The following GSG1L variants were observed in gnomAD, a reference collection of about 807,000 sequenced individuals.
The protein encoded by GSG1L is germ cell-specific gene 1-like protein.
GSG1L carries 24 observed loss-of-function variants against 42.1 expected under a neutral mutation model. That is an observed-to-expected ratio of 0.57 (90% CI 0.41 to 0.80). The LOEUF is 0.80. Among genes scored for constraint, GSG1L ranks in the 30% least tolerant of loss-of-function variants. The pLI, the probability that GSG1L is intolerant of heterozygous loss-of-function variation, is 0.00. For synonymous variants in GSG1L, 215 were observed against 203.5 expected, an observed-to-expected ratio of 1.06 and a Z score of -0.48; for missense variants, 445 against 472.2, an observed-to-expected ratio of 0.94 and a Z score of 0.53.
At chr16:27,897,112 C>A (rs2084201077) in intron 2 of GSG1L, among the ~76,000 whole-genome samples, 1 of 152,216 alleles carries the variant, frequency 6.6e-6, no homozygotes, top group South Asian at 2.1e-4. Context: ...GATCCCCCCA[C>A]CTCGGCCTCC....
chr16:27,849,675 A>G (rs538506649), intron 3 of GSG1L, among the ~76,000 whole-genome samples: 3 of 152,082 alleles, frequency 2.0e-5, no homozygotes, highest in Admixed American at 6.5e-5. Context: ...GGTGCATGCC[A>G]CCACACTTGG....
chr16:27,807,797 A>C (rs2082984439), intron 5 of GSG1L, among the ~76,000 whole-genome samples: 1 of 152,210 alleles, frequency 6.6e-6, no homozygotes, highest in Non-Finnish European at 1.5e-5. Context: ...AGTGTCATGC[A>C]ACTAATCAGT....
intron 2 of GSG1L, among the ~76,000 whole-genome samples, chr16:27,940,465 A>G (rs1405255417): frequency 6.9e-6 from 1 of 145,282 alleles, no homozygotes; most frequent in Non-Finnish European, 1.5e-5. Context: ...AATGTCCAAC[A>G]ATAATAGACT....
intron 3 of GSG1L, chr16:27,850,501 G>T (rs76906387): frequency 2.2e-6 from 1 of 455,562 alleles, no homozygotes; most frequent in African/African-American, 2.0e-5. Context: ...TGTAGGAAGA[G>T]GAGAGAGAAG....
intron 2 of GSG1L, among the ~76,000 whole-genome samples, chr16:27,932,857 G>C (rs1341974080): frequency 6.6e-6 from 1 of 151,978 alleles, no homozygotes; most frequent in Non-Finnish European, 1.5e-5. Flanking sequence ...ATATCCCCTG[G>C]TGCTGGCCCC....
intron 1 of GSG1L, among the ~76,000 whole-genome samples, chr16:27,979,907 G>A (rs759903498): frequency 1.2e-4 from 19 of 152,128 alleles, no homozygotes; most frequent in Non-Finnish European, 2.5e-4. Flanking sequence ...GGAAAAGAGA[G>A]AGAGAATTGA....
intron 2 of GSG1L, among the ~76,000 whole-genome samples, chr16:27,923,386 C>T (rs931035923): frequency 2.0e-5 from 3 of 152,220 alleles, no homozygotes; most frequent in Non-Finnish European, 4.4e-5. Flanking sequence ...GGGGCACCCA[C>T]ATGCTAAGAG....
chr16:27,888,130 C>A lies in GSG1L; in HGVS notation c.398-3492G>T, dbSNP rs1396666572. ...GGTGCTGGCAGGGACTGCCCCTCAT[C>A]ATGGCGCTGCTCACTGACTCAGCTG... On this transcript the variant is annotated intron_variant, in intron 2 of 6. Coordinates refer to ENST00000447459, the MANE Select transcript of GSG1L (RefSeq NM_001109763.2). The A allele has an allele frequency of 3.0e-6, 3 of 985,616 alleles. No homozygotes were observed. The East Asian group carries it at 3.4e-4, about 112-fold the overall frequency. 61.1% of individuals were successfully genotyped at this position (985,616 alleles called of 1,614,324 possible).
chr16:27,994,307 C>T (rs1416158466), intron 1 of GSG1L, among the ~76,000 whole-genome samples: 3 of 151,666 alleles, frequency 2.0e-5, no homozygotes, highest in African/African-American at 4.8e-5. Flanking sequence ...TGGGGGGGTT[C>T]AGAATGGTGG....
At chr16:27,995,258 G>A (rs577318959) in intron 1 of GSG1L, among the ~76,000 whole-genome samples, 13 of 152,302 alleles carry the variant, frequency 8.5e-5, no homozygotes, top group South Asian at 8.3e-4. Context: ...AGACACGAAC[G>A]CCCTTGGAGA....
At chr16:28,039,453 A>G (rs184118955) in intron 1 of GSG1L, among the ~76,000 whole-genome samples, 1 of 151,788 alleles carries the variant, frequency 6.6e-6, no homozygotes, top group African/African-American at 2.4e-5. Flanking sequence ...CCCCACCCCC[A>G]CAGCAAAGAA....
chr16:27,815,449 C>T lies in GSG1L; in HGVS notation c.831-7895G>A, dbSNP rs189244658. On this transcript the variant is annotated intron_variant, in intron 5 of 6. Coordinates refer to ENST00000447459, the MANE Select transcript of GSG1L (RefSeq NM_001109763.2). ...TTGTAGAGCCTGCAGAAACACAAGC[C>T]ACATAAACCTCTCTTCCTTATAAAT... Among the ~76,000 whole-genome samples the T allele has an allele frequency of 4.6e-5, 7 of 152,284 alleles. 1 individual carries two copies. Among genetic ancestry groups the T allele is most frequent in the African/African-American group, 1.4e-4 (6 of 41,546 alleles).
intron 5 of GSG1L, among the ~76,000 whole-genome samples, chr16:27,823,674 A>G (rs1262951631): frequency 6.6e-6 from 1 of 151,758 alleles, no homozygotes; most frequent in Non-Finnish European, 1.5e-5. Flanking sequence ...AAACCCACTC[A>G]CGGTCTGTCT....
intron 2 of GSG1L, among the ~76,000 whole-genome samples, chr16:27,950,136 T>C (rs924088652): frequency 2.0e-5 from 3 of 152,178 alleles, no homozygotes; most frequent in Admixed American, 6.5e-5. Context: ...TCAGTACAAA[T>C]TGTGAGCCTT....
intron 1 of GSG1L, among the ~76,000 whole-genome samples, chr16:27,986,166 C>G (rs1050944878): frequency 1.3e-5 from 2 of 152,042 alleles, no homozygotes; most frequent in Non-Finnish European, 2.9e-5. Flanking sequence ...GAGTTATTGC[C>G]GCAGGGAGGC....
chr16:27,873,064 T>G (rs1354719437), intron 3 of GSG1L, among the ~76,000 whole-genome samples: 2 of 152,176 alleles, frequency 1.3e-5, no homozygotes, highest in African/African-American at 4.8e-5. Flanking sequence ...CCAAGAACCC[T>G]CTCTTCGGGT....
At chr16:27,850,023 CTTTTTTT>C (rs57543425) in intron 3 of GSG1L, among the ~76,000 whole-genome samples, 6 of 70,070 alleles carry the variant, frequency 8.6e-5, no homozygotes, top group African/African-American at 2.6e-4. Context: ...TTTGAAATGC[CTTTTTTT>C]TTTTTTTTTT....
rs2083996078 is a variant in GSG1L, at chr16:27,884,028, A to C, written c.550+458T>G. Among the ~76,000 whole-genome samples the C allele has an allele frequency of 6.6e-6, 1 of 152,172 alleles. No homozygotes were observed. Among genetic ancestry groups the C allele is most frequent in the Non-Finnish European group, 1.5e-5 (1 of 68,026 alleles). On this transcript the variant is annotated intron_variant, in intron 3 of 6. Coordinates refer to ENST00000447459, the MANE Select transcript of GSG1L (RefSeq NM_001109763.2). The surrounding 1 kb of genome is among the most constrained non-coding windows in gnomAD (Gnocchi z 4.4). ...TGCAGCATCTCCACGTGGAGTTCTC[A>C]AAGCCAGATGAGCTCAGGAAGAGGA...
At position 27,789,728 on chromosome 16, in the gene GSG1L, T is replaced by G. The variant is rs2082731588; in HGVS notation, c.*1642A>C. On this transcript the variant is annotated 3_prime_UTR_variant, in exon 7 of 7. Transcript: ENST00000447459. ...GATGGATGGATGGATGATGGATGGATGGATGATGGATAGATAGCTGATGAA... is the reference window on the plus strand; with the variant it reads ...GATGGATGGATGGATGATGGATGGAGGGATGATGGATAGATAGCTGATGAA... 6.7e-6 allele frequency: 1 copy of G among 148,854 alleles called. No individual in the cohort carries two copies. The highest frequency in any genetic ancestry group is 2.5e-5 in the African/African-American group (1 of 40,220). 9.2% of individuals were successfully genotyped at this position (148,854 alleles called of 1,614,324 possible). A position where few individuals can be genotyped will look rare whatever the true frequency, so the allele number is the denominator to read the frequency against.
Sources: allele counts gnomAD v4.1 joint callset (sites outside exome capture counted in the v4.1 genomes callset), GRCh38; gene constraint gnomAD v4.1.1; non-coding constraint Gnocchi (gnomAD v3.1); transcripts MANE v1.5; gene names NCBI Gene and HGNC (gene_info 2026-07-23, HGNC 2026-07-21).